POU2F3: variants seen among roughly 807,000 people sequenced by gnomAD.
The protein encoded by POU2F3 is POU domain, class 2, transcription factor 3.
A neutral mutation model predicts 59.2 loss-of-function variants in POU2F3; 23 were observed. The observed-to-expected ratio is 0.39, with a 90% CI of 0.28 to 0.55. The LOEUF is 0.55. Among genes scored for constraint, POU2F3 ranks in the 20% least tolerant of loss-of-function variants. The pLI is 0.66. For synonymous variants in POU2F3, 190 were observed against 214.6 expected, an observed-to-expected ratio of 0.89 and a Z score of 1.00; for missense variants, 473 against 544.5, an observed-to-expected ratio of 0.87 and a Z score of 1.31.
chr11:120,255,198 C>A (rs1939284109), intron 2 of POU2F3, among the ~76,000 whole-genome samples: 1 of 152,160 alleles, frequency 6.6e-6, no homozygotes, highest in African/African-American at 2.4e-5. Context: ...GTTGGCCTTG[C>A]CTGGGTGTGC....
chr11:120,290,967 C>G (rs1313545056), intron 3 of POU2F3, among the ~76,000 whole-genome samples: 2 of 152,228 alleles, frequency 1.3e-5, no homozygotes, highest in African/African-American at 2.4e-5. Flanking sequence ...CTCTTTACCT[C>G]TTCTCCTCCT....
chr11:120,308,507 C>G (rs560968453), intron 9 of POU2F3, among the ~76,000 whole-genome samples: 49 of 152,210 alleles, frequency 3.2e-4, no homozygotes, highest in African/African-American at 1.1e-3. Flanking sequence ...GGAAAGTGGC[C>G]GGGGCTAGAG....
At chr11:120,298,787 G>C (rs1468648139) in intron 4 of POU2F3, among the ~76,000 whole-genome samples, 1 of 152,216 alleles carries the variant, frequency 6.6e-6, no homozygotes, top group Non-Finnish European at 1.5e-5. Flanking sequence ...GAGTGCTGGT[G>C]GGGGAAGAAA....
At chr11:120,250,828 T>C (rs1591375278) in intron 2 of POU2F3, among the ~76,000 whole-genome samples, 1 of 152,134 alleles carries the variant, frequency 6.6e-6, no homozygotes, top group Admixed American at 6.5e-5. Flanking sequence ...ATACAAAAAA[T>C]TAGCCGGGCG....
chr11:120,318,993 C>T lies in POU2F3; in HGVS notation c.*601C>T, dbSNP rs75477342. The T allele has an allele frequency of 0.01, 1,566 of 152,568 alleles. 97 individuals are homozygous for T. The South Asian group carries it at 0.17, about 17-fold the overall frequency. The allele number at this position is 152,568 out of a possible 1,614,324, so 9.5% of individuals were successfully genotyped here. On this transcript the variant is annotated 3_prime_UTR_variant, in exon 13 of 13. Coordinates refer to ENST00000543440, the MANE Select transcript of POU2F3 (RefSeq NM_014352.4). ...CTACAATCAAATCCATTCATTATTG[C>T]GCCCTCCAGGTCCCCTCCTTTTTGC...
chr11:120,263,418 C>A (rs1427305528), intron 2 of POU2F3, among the ~76,000 whole-genome samples: 1 of 152,146 alleles, frequency 6.6e-6, no homozygotes, highest in Non-Finnish European at 1.5e-5. Context: ...TGGTTTGGGT[C>A]TCCTGTTAGA....
At position 120,305,040 on chromosome 11, in the gene POU2F3, A is replaced by G. The variant is rs7110845; in HGVS notation, c.455A>G (p.His152Arg). Reference protein sequence around the residue: ...GPGLASQAFGHPGLPGSSLEP... With the variant: ...GPGLASQAFGRPGLPGSSLEP... The stretch of plus-strand genomic sequence containing the variant: ...CGTGTTTCCTATCAGGCATTTGGGC[A>G]CCCTGGGCTGCCAGGATCCTCTTTA... Residue 152 changes from histidine to arginine, a missense_variant, in exon 7 of 13, where the codon CAC becomes CGC. Physicochemically the swap from His to Arg is conservative, Grantham distance 29. Transcript: ENST00000543440. 1,009,601 of 1,605,310 alleles carry G rather than the reference A, an allele frequency of 0.63. 328,491 individuals are homozygous for G. The highest frequency in any genetic ancestry group is 0.95 in the East Asian group (42,610 of 44,822).
upstream of POU2F3, among the ~76,000 whole-genome samples, chr11:120,238,043 C>A (rs1157543823): frequency 1.3e-5 from 2 of 152,058 alleles, no homozygotes; most frequent in Non-Finnish European, 2.9e-5. Context: ...GAGTTTGAGA[C>A]CAGCCTGACC....
At chr11:120,309,282 A>C in intron 9 of POU2F3, 143 bp from the exon 10 acceptor site, 1 of 793,220 alleles carries the variant, frequency 1.3e-6, no homozygotes, top group East Asian at 2.6e-5. Flanking sequence ...GACACGTAGT[A>C]AGTGAAAAAG....
upstream of POU2F3, chr11:120,236,821 A>G (rs1490854191): frequency 2.7e-6 from 3 of 1,099,558 alleles, no homozygotes; most frequent in Non-Finnish European, 1.3e-6. Context: ...CCCTATACAC[A>G]GGTGGGACTT....
intron 2 of POU2F3, among the ~76,000 whole-genome samples, chr11:120,268,903 C>A (rs548405163): frequency 6.6e-6 from 1 of 152,108 alleles, no homozygotes; most frequent in South Asian, 2.1e-4. Context: ...TAGAAGCATG[C>A]GGTGGAGTGA....
chr11:120,276,918 T>G (rs945444198), intron 3 of POU2F3, among the ~76,000 whole-genome samples: 2 of 151,700 alleles, frequency 1.3e-5, no homozygotes, highest in Non-Finnish European at 2.9e-5. Flanking sequence ...GAGGCCGAGG[T>G]GGGTGGATCA....
chr11:120,288,647 G>T (rs990492053), intron 3 of POU2F3, among the ~76,000 whole-genome samples: 4 of 152,198 alleles, frequency 2.6e-5, no homozygotes, highest in African/African-American at 9.7e-5. Flanking sequence ...GTGTTTGAAA[G>T]TGCTTTGTAA....
intron 6 of POU2F3, 49 bp downstream of exon 6, chr11:120,302,417 A>G (rs752261465): frequency 1.3e-6 from 2 of 1,505,918 alleles, no homozygotes; most frequent in South Asian, 1.1e-5. Context: ...CTCAGCTCTC[A>G]CTGAGTTTAA....
intron 2 of POU2F3, among the ~76,000 whole-genome samples, chr11:120,261,967 CACTTTTTACAGAGTTCT>C: frequency 6.6e-6 from 1 of 152,320 alleles, no homozygotes; most frequent in Non-Finnish European, 1.5e-5. Flanking sequence ...TGGACAGGTA[CACTTTTTACAGAGTTCT>C]TCCTTATGCT....
chr11:120,278,903 A>G (rs1940447560), intron 3 of POU2F3, among the ~76,000 whole-genome samples: 1 of 152,200 alleles, frequency 6.6e-6, no homozygotes, highest in Non-Finnish European at 1.5e-5. Flanking sequence ...CCCAGAACTT[A>G]AAGTATATAT....
intron 2 of POU2F3, chr11:120,249,829 C>T (rs958236006): frequency 6.6e-6 from 1 of 152,140 alleles, no homozygotes; most frequent in Admixed American, 6.5e-5. Context: ...GAGATAGAGA[C>T]ACGATTAACC....
chr11:120,240,183 C>G lies in POU2F3; in HGVS notation c.-161C>G, dbSNP rs1386620224. 8.1e-7 allele frequency: 1 copy of G among 1,227,538 alleles called. No individual in the cohort carries two copies. 76.0% of individuals were successfully genotyped at this position (1,227,538 alleles called of 1,614,324 possible). Reference sequence around the variant, plus strand: ...GCGCCGAGTGTTGCCCGGGCCGGAGCAGCGGAGCGCGCGACAGTGGCGGCG... The same window carrying G: ...GCGCCGAGTGTTGCCCGGGCCGGAGGAGCGGAGCGCGCGACAGTGGCGGCG... On this transcript the variant is annotated 5_prime_UTR_variant, in exon 1 of 13. Transcript: ENST00000543440.
intron 3 of POU2F3, among the ~76,000 whole-genome samples, chr11:120,278,935 C>A (rs1432935873): frequency 6.6e-6 from 1 of 152,160 alleles, no homozygotes; most frequent in Non-Finnish European, 1.5e-5. Flanking sequence ...AAATAACTCC[C>A]TTCTCCAAAG....
Sources: allele counts gnomAD v4.1 joint callset (sites outside exome capture counted in the v4.1 genomes callset), GRCh38; gene constraint gnomAD v4.1.1; transcripts MANE v1.5; gene names NCBI Gene and HGNC (gene_info 2026-07-23, HGNC 2026-07-21).